Variants in BRINP3 observed in about 807,000 individuals in gnomAD.
The protein encoded by BRINP3 is BMP/retinoic acid-inducible neural-specific protein 3.
In BRINP3, 19 loss-of-function variants were observed where a neutral mutation model predicts 71.0. The observed-to-expected ratio is 0.27, with a 90% CI of 0.19 to 0.39. BRINP3 has a LOEUF of 0.39. Ranked by LOEUF, BRINP3 falls within the 10% of genes least tolerant of loss-of-function variation. The pLI is 1.00. For missense variants in BRINP3, 959 were observed against 940.8 expected (o/e 1.02, Z -0.25); for synonymous variants, 380 against 337.7 (o/e 1.13, Z -1.37).
chr1:190,407,960 T>C (rs1000311437), intron 2 of BRINP3, among the ~76,000 whole-genome samples: 108 of 151,900 alleles, frequency 7.1e-4, no homozygotes, highest in African/African-American at 2.5e-3. Flanking sequence ...ATGTCTTTTA[T>C]ATTCCATGAC....
At chr1:190,253,702 A>G (rs971924083) in intron 4 of BRINP3, among the ~76,000 whole-genome samples, 1 of 152,152 alleles carries the variant, frequency 6.6e-6, no homozygotes, top group African/African-American at 2.4e-5. Context: ...GTAGATTGCA[A>G]AAATTTTCTC....
intron 2 of BRINP3, among the ~76,000 whole-genome samples, chr1:190,381,050 A>T (rs1670515673): frequency 6.6e-6 from 1 of 152,170 alleles, no homozygotes; most frequent in South Asian, 2.1e-4. Context: ...GATAAGTGAT[A>T]GATTAAGGGC....
chr1:190,117,369 TTCAA>T, intron 7 of BRINP3, among the ~76,000 whole-genome samples: 1 of 152,154 alleles, frequency 6.6e-6, no homozygotes, highest in African/African-American at 2.4e-5. Context: ...GGAGCCTATA[TTCAA>T]TCTTCATTAT....
intron 2 of BRINP3, among the ~76,000 whole-genome samples, chr1:190,414,967 C>T (rs934270143): frequency 6.6e-6 from 1 of 152,198 alleles, no homozygotes; most frequent in African/African-American, 2.4e-5. Context: ...TGTTTCTATT[C>T]TTTACCCACT....
intron 2 of BRINP3, among the ~76,000 whole-genome samples, chr1:190,353,134 T>C (rs1314237949): frequency 6.6e-6 from 1 of 152,032 alleles, no homozygotes; most frequent in Non-Finnish European, 1.5e-5. Context: ...GTGTTTTAAA[T>C]CTATTTCATG....
At chr1:190,131,573 A>C (rs1257828251) in intron 7 of BRINP3, among the ~76,000 whole-genome samples, 2 of 152,020 alleles carry the variant, frequency 1.3e-5, no homozygotes, top group Non-Finnish European at 2.9e-5. Flanking sequence ...GTCTTCTGTG[A>C]AAAACTTTGT....
chr1:190,103,557 A>C (rs1237725854), intron 7 of BRINP3, among the ~76,000 whole-genome samples: 1 of 152,050 alleles, frequency 6.6e-6, no homozygotes, highest in African/African-American at 2.4e-5. Flanking sequence ...GAGAACTATT[A>C]CGTATACACA....
Position 190,375,234 on chromosome 1 carries a change from ACATACAAAT to A in BRINP3, c.236+79412_236+79420del, listed in dbSNP as rs144249893. ...AATGGTTTAACATATATATACACAC[ACATACAAAT>A]CATACATGTTTGTATATATTTGTAT... On this transcript the variant is annotated intron_variant, in intron 2 of 7. Transcript: ENST00000367462. Among the ~76,000 whole-genome samples, 167 of 152,078 alleles carry A rather than the reference ACATACAAAT, an allele frequency of 1.1e-3. 4 individuals are homozygous for A. In the East Asian group the frequency reaches 0.028, roughly 25 times the overall value.
chr1:190,266,409 T>C (rs762050906), intron 3 of BRINP3, among the ~76,000 whole-genome samples: 39 of 152,286 alleles, frequency 2.6e-4, no homozygotes, highest in Admixed American at 2.6e-4. Flanking sequence ...AAAACTCACA[T>C]TTCTTGTTGG....
At chr1:190,249,500 G>A (rs1659921663) in intron 4 of BRINP3, among the ~76,000 whole-genome samples, 1 of 151,754 alleles carries the variant, frequency 6.6e-6, no homozygotes, top group South Asian at 2.1e-4. Flanking sequence ...TTTTTCAAAT[G>A]TAAAAAATAG....
chr1:190,448,463 TTGTGTG>T (rs67524700), intron 2 of BRINP3, among the ~76,000 whole-genome samples: 7 of 125,060 alleles, frequency 5.6e-5, no homozygotes, highest in African/African-American at 8.9e-5. Flanking sequence ...CACTTGGGGT[TTGTGTG>T]TGTGTGTGTG....
intron 6 of BRINP3, among the ~76,000 whole-genome samples, chr1:190,203,786 T>A (rs1235989765): frequency 2.0e-5 from 2 of 102,450 alleles, no homozygotes; most frequent in African/African-American, 7.7e-5. Flanking sequence ...TATATATATA[T>A]ATATATATAT....
intron 6 of BRINP3, among the ~76,000 whole-genome samples, chr1:190,180,924 A>G (rs575799458): frequency 4.6e-5 from 7 of 152,142 alleles, no homozygotes; most frequent in Admixed American, 4.6e-4. Flanking sequence ...TACATCAGTA[A>G]AGCACAATAT....
At chr1:190,361,114 A>G (rs138065957) in intron 2 of BRINP3, among the ~76,000 whole-genome samples, 228 of 152,028 alleles carry the variant, frequency 1.5e-3, no homozygotes, top group Non-Finnish European at 2.4e-3. Flanking sequence ...TGACTCAAGC[A>G]TAGATACCAT....
At position 190,222,103 on chromosome 1, in the gene BRINP3, G is replaced by A. The variant is rs1031269027; in HGVS notation, c.961+3979C>T. 2.2e-4 allele frequency among the ~76,000 whole-genome samples: 34 copies of A among 151,846 alleles called. 1 individual carries two copies. Among genetic ancestry groups the A allele is most frequent in the Non-Finnish European group, 1.5e-5 (1 of 67,962 alleles). On this transcript the variant is annotated intron_variant, in intron 6 of 7. Coordinates refer to ENST00000367462, the MANE Select transcript of BRINP3 (RefSeq NM_199051.3). ...CATTAACAAAACATTTCACCCAACT[G>A]CTGCAGAATATACATTCTTTCCTTC...
intron 7 of BRINP3, among the ~76,000 whole-genome samples, chr1:190,151,594 T>A (rs1264270836): frequency 6.6e-6 from 1 of 152,168 alleles, no homozygotes; most frequent in African/African-American, 2.4e-5. Flanking sequence ...ATAAAGGTTA[T>A]AAGAAAGAAA....
chr1:190,177,316 C>T (rs555333626), intron 6 of BRINP3, among the ~76,000 whole-genome samples: 2 of 148,018 alleles, frequency 1.4e-5, no homozygotes, highest in African/African-American at 5.0e-5. Flanking sequence ...GCGCCCATTA[C>T]CATGCCTGGA....
chr1:190,258,485 G>A (rs1880905), intron 4 of BRINP3, among the ~76,000 whole-genome samples: 86,350 of 151,632 alleles, frequency 0.57, 24,800 homozygotes, highest in Admixed American at 0.69. Flanking sequence ...AAAGATCAAC[G>A]AAGTTGAAAA....
intron 2 of BRINP3, among the ~76,000 whole-genome samples, chr1:190,413,194 C>A (rs1037834178): frequency 6.6e-6 from 1 of 151,408 alleles, no homozygotes; most frequent in Non-Finnish European, 1.5e-5. Flanking sequence ...CGTGCATGTG[C>A]GTGTGTGTGT....
Sources: gnomAD v4.1 joint callset for allele counts (sites outside exome capture counted in the v4.1 genomes callset) on GRCh38, gnomAD v4.1.1 for gene constraint, MANE v1.5 for transcripts, NCBI Gene and HGNC (gene_info 2026-07-23, HGNC 2026-07-21) for gene names.